The following HS3ST2 variants were observed in gnomAD, a reference collection of about 807,000 sequenced individuals.
HS3ST2 encodes the protein heparan sulfate-glucosamine 3-sulfotransferase 2, also known as heparan sulfate glucosamine 3-O-sulfotransferase 2.
In HS3ST2, 17 loss-of-function variants were observed where a neutral mutation model predicts 26.3. The observed-to-expected ratio is 0.65, with a 90% CI of 0.44 to 0.97. The LOEUF (loss-of-function observed/expected upper bound fraction) is 0.97, where lower values mean the gene tolerates loss of function less well. Ranked by LOEUF, HS3ST2 falls within the 50% of genes least tolerant of loss-of-function variation. HS3ST2 has a pLI of 0.00. For synonymous variants in HS3ST2, 237 were observed against 219.2 expected, an observed-to-expected ratio of 1.08 and a Z score of -0.72; for missense variants, 402 against 501.2, an observed-to-expected ratio of 0.80 and a Z score of 1.89.
intron 1 of HS3ST2, among the ~76,000 whole-genome samples, chr16:22,908,039 A>C (rs1049906946): frequency 4.6e-5 from 7 of 152,104 alleles, no homozygotes; most frequent in African/African-American, 1.7e-4. Context: ...AGGCAGGAGG[A>C]TTGCGTGAGC....
intron 1 of HS3ST2, among the ~76,000 whole-genome samples, chr16:22,850,139 A>G (rs1901497762): frequency 6.6e-6 from 1 of 152,150 alleles, no homozygotes; most frequent in South Asian, 2.1e-4. Flanking sequence ...CTGCATTTGT[A>G]TTTGCTATTA....
At chr16:22,845,703 C>T (rs546037915) in intron 1 of HS3ST2, among the ~76,000 whole-genome samples, 6 of 152,204 alleles carry the variant, frequency 3.9e-5, no homozygotes, top group South Asian at 2.1e-4. Context: ...CATGTTAGGT[C>T]GGGCTACTTT....
chr16:22,834,292 C>G (rs759515639), intron 1 of HS3ST2, among the ~76,000 whole-genome samples: 1 of 152,046 alleles, frequency 6.6e-6, no homozygotes, highest in Non-Finnish European at 1.5e-5. Context: ...TGCTTTTTAC[C>G]ATTTTAGACA....
At chr16:22,852,937 G>A (rs1015447713) in intron 1 of HS3ST2, among the ~76,000 whole-genome samples, 1 of 137,434 alleles carries the variant, frequency 7.3e-6, no homozygotes, top group African/African-American at 3.2e-5. Context: ...ATCGGGTTCT[G>A]ACTAATCTCA....
At chr16:22,902,451 C>T (rs760491959) in intron 1 of HS3ST2, among the ~76,000 whole-genome samples, 40 of 152,302 alleles carry the variant, frequency 2.6e-4, no homozygotes, top group African/African-American at 8.7e-4. Context: ...ACCTGCCCTC[C>T]GGGAACAATC....
intron 1 of HS3ST2, among the ~76,000 whole-genome samples, chr16:22,846,514 G>A (rs1202793584): frequency 6.6e-6 from 1 of 152,152 alleles, no homozygotes; most frequent in Non-Finnish European, 1.5e-5. Context: ...AGCACACAGT[G>A]AGATGTTTAA....
rs1025054823 is a variant in HS3ST2, at chr16:22,826,167, G to A, written c.485+11072G>A. The stretch of plus-strand genomic sequence containing the variant: ...TCTCTTTTAAAGAGAAGAAGGTACA[G>A]AGAAATTCAGCGGTCAGACTTACTG... On this transcript the variant is annotated intron_variant, in intron 1 of 1. Coordinates refer to ENST00000261374, the MANE Select transcript of HS3ST2 (RefSeq NM_006043.2). 7.2e-5 allele frequency among the ~76,000 whole-genome samples: 11 copies of A among 152,190 alleles called. No individual in the cohort carries two copies. The East Asian group carries it at 9.6e-4, about 13-fold the overall frequency.
rs750220565 is a variant in HS3ST2 at position 22,814,790 on chromosome 16, C to A, written c.180C>A (p.Ser60Arg). The change falls in exon 1 of 2, where the codon AGC becomes AGA. Residue 60 changes from serine to arginine, a missense_variant. By Grantham distance (110) the Ser-to-Arg change is moderately radical. Coordinates refer to ENST00000261374, the MANE Select transcript of HS3ST2 (RefSeq NM_006043.2). ...LGAPRCLRGP[S>R]AGGQKLLQKS... ...CGCCTCGCTGCCTCCGCGGCCCCAGCGCGGGCGGCCAGAAACTTCTCCAGA... is the reference window on the plus strand; with the variant it reads ...CGCCTCGCTGCCTCCGCGGCCCCAGAGCGGGCGGCCAGAAACTTCTCCAGA... The A allele has an allele frequency of 6.3e-7, 1 of 1,593,788 alleles. No individual in the cohort carries two copies. The highest frequency in any genetic ancestry group is 8.5e-7 in the Non-Finnish European group (1 of 1,171,840).
intron 1 of HS3ST2, among the ~76,000 whole-genome samples, chr16:22,817,953 C>T (rs561597287): frequency 2.0e-5 from 3 of 152,360 alleles, no homozygotes; most frequent in African/African-American, 7.2e-5. Context: ...CAGAAAGACA[C>T]CATCATTTGG....
intron 1 of HS3ST2, among the ~76,000 whole-genome samples, chr16:22,877,391 T>C (rs1026976315): frequency 1.3e-5 from 2 of 152,220 alleles, no homozygotes; most frequent in African/African-American, 4.8e-5. Context: ...TTCTCCTAAA[T>C]TTGCCAACTA....
intron 1 of HS3ST2, among the ~76,000 whole-genome samples, chr16:22,883,431 A>G (rs1384792272): frequency 6.6e-6 from 1 of 152,242 alleles, no homozygotes; most frequent in Non-Finnish European, 1.5e-5. Flanking sequence ...GTTATCTAAG[A>G]TAGAAGTATT....
chr16:22,814,731 T>C lies in HS3ST2; in HGVS notation c.121T>C (p.Cys41Arg). The C allele has an allele frequency of 6.2e-7, 1 of 1,609,236 alleles. No homozygotes were observed. Among genetic ancestry groups the C allele is most frequent in the Non-Finnish European group, 8.5e-7 (1 of 1,178,536 alleles). The change falls in exon 1 of 2, where the codon TGC becomes CGC. Residue 41 changes from cysteine to arginine, a missense_variant. By Grantham distance (180) the Cys-to-Arg change is radical (BLOSUM62 -3). Transcript: ENST00000261374. ...CCTGTGTTACAGCTTCCTGTGCTGC[T>C]GCGACGACCTGGGTCGGAGCCGCCT... ...TYLCYSFLCC[C>R]DDLGRSRLLG...
chr16:22,846,345 G>A (rs1490782151), intron 1 of HS3ST2, among the ~76,000 whole-genome samples: 2 of 151,818 alleles, frequency 1.3e-5, no homozygotes, highest in Non-Finnish European at 2.9e-5. Context: ...TGTTGGCTGT[G>A]GTCAGTGCTG....
chr16:22,854,047 G>T (rs1017093844), intron 1 of HS3ST2, among the ~76,000 whole-genome samples: 1 of 152,172 alleles, frequency 6.6e-6, no homozygotes, highest in Non-Finnish European at 1.5e-5. Flanking sequence ...TGATTGGCTG[G>T]AACATGATTT....
chr16:22,818,576 G>A (rs1253381958), intron 1 of HS3ST2, among the ~76,000 whole-genome samples: 1 of 151,996 alleles, frequency 6.6e-6, no homozygotes, highest in Non-Finnish European at 1.5e-5. Flanking sequence ...TTAATCAATT[G>A]CTATAAAGAT....
chr16:22,913,426 C>A (rs1902451923), intron 1 of HS3ST2, among the ~76,000 whole-genome samples: 1 of 152,064 alleles, frequency 6.6e-6, no homozygotes, highest in Admixed American at 6.5e-5. Flanking sequence ...GGTTACATAG[C>A]CTGACTCCTG....
In HS3ST2 at chr16:22,869,883, G is replaced by C. The variant is rs548642578; in HGVS notation, c.486-45061G>C. ...CTTTCAGCACCTATGGTCTAGCTCAGGTTGAAGGCAAAGCCTCAGAGTTCA... is the reference window on the plus strand; with the variant it reads ...CTTTCAGCACCTATGGTCTAGCTCACGTTGAAGGCAAAGCCTCAGAGTTCA... On this transcript the variant is annotated intron_variant, in intron 1 of 1. Transcript: ENST00000261374. 3.3e-5 allele frequency among the ~76,000 whole-genome samples: 5 copies of C among 152,244 alleles called. No homozygotes were observed. The South Asian group carries it at 8.3e-4, about 25-fold the overall frequency.
intron 1 of HS3ST2, among the ~76,000 whole-genome samples, chr16:22,835,074 A>G (rs1342840206): frequency 6.6e-6 from 1 of 152,140 alleles, no homozygotes; most frequent in Non-Finnish European, 1.5e-5. Context: ...GCTTGGTTCT[A>G]CATTTTCATC....
intron 1 of HS3ST2, among the ~76,000 whole-genome samples, chr16:22,817,174 G>A (rs1478370927): frequency 6.6e-6 from 1 of 152,036 alleles, no homozygotes; most frequent in Non-Finnish European, 1.5e-5. Flanking sequence ...AGTCTTGGTA[G>A]GTTTTATTTA....
Sources: gnomAD v4.1 joint callset for allele counts (sites outside exome capture counted in the v4.1 genomes callset) on GRCh38, gnomAD v4.1.1 for gene constraint, MANE v1.5 for transcripts, NCBI Gene and HGNC (gene_info 2026-07-23, HGNC 2026-07-21) for gene names.